The following ZNF385D variants were observed in gnomAD, a reference collection of about 807,000 sequenced individuals.
The protein encoded by ZNF385D is zinc finger protein 659.
A neutral mutation model predicts 35.8 loss-of-function variants in ZNF385D; 15 were observed. That is an observed-to-expected ratio of 0.42 (90% CI 0.28 to 0.64). The LOEUF (loss-of-function observed/expected upper bound fraction) is 0.64. ZNF385D is among the 30% of genes least tolerant of loss of function. ZNF385D has a pLI of 0.23. For synonymous variants in ZNF385D, 212 were observed against 186.8 expected (o/e 1.13, Z -1.10); for missense variants, 474 against 494.6 (o/e 0.96, Z 0.39).
At chr3:22,134,022 C>G (rs1703959675) in intron 3 of ZNF385D, 1 of 151,926 alleles carries the variant, frequency 6.6e-6, no homozygotes, top group Admixed American at 6.6e-5. Context: ...GGGAAACAGA[C>G]AGAAAATCAG....
intron 2 of ZNF385D, among the ~76,000 whole-genome samples, chr3:21,655,743 GA>G (rs2066053135): frequency 6.6e-6 from 1 of 151,976 alleles, no homozygotes; most frequent in Non-Finnish European, 1.5e-5. Context: ...TAGCTATGTT[GA>G]AAACAAATTG....
intron 2 of ZNF385D, among the ~76,000 whole-genome samples, chr3:22,178,679 G>C (rs978690125): frequency 1.3e-5 from 2 of 152,110 alleles, no homozygotes; most frequent in Non-Finnish European, 2.9e-5. Flanking sequence ...GTCCTGAATG[G>C]TATTGCCTAG....
At chr3:22,009,586 G>C (rs377665841) in intron 3 of ZNF385D, among the ~76,000 whole-genome samples, 1 of 146,972 alleles carries the variant, frequency 6.8e-6, no homozygotes, top group Admixed American at 6.9e-5. Context: ...TTGCACAACT[G>C]CACTCTAGCC....
chr3:22,091,913 G>A (rs1050400159), intron 3 of ZNF385D, among the ~76,000 whole-genome samples: 8 of 152,104 alleles, frequency 5.3e-5, no homozygotes, highest in Non-Finnish European at 1.2e-4. Context: ...GAACTGTGGT[G>A]GAATTTGAGG....
At chr3:22,115,943 G>A (rs921625567) in intron 3 of ZNF385D, among the ~76,000 whole-genome samples, 1 of 152,008 alleles carries the variant, frequency 6.6e-6, no homozygotes, top group Non-Finnish European at 1.5e-5. Flanking sequence ...GTCCGAGGTT[G>A]CAGCCACGAC....
At chr3:22,175,314 C>T (rs1465289120) in intron 2 of ZNF385D, among the ~76,000 whole-genome samples, 1 of 151,814 alleles carries the variant, frequency 6.6e-6, no homozygotes, top group African/African-American at 2.4e-5. Context: ...CATGAATAAG[C>T]ATATATAAAG....
chr3:22,181,722 T>C (rs1576457372), intron 2 of ZNF385D, among the ~76,000 whole-genome samples: 1 of 148,044 alleles, frequency 6.8e-6, no homozygotes, highest in Admixed American at 6.7e-5. Flanking sequence ...AAAAAGAATA[T>C]GGTAAAGGTG....
intron 3 of ZNF385D, among the ~76,000 whole-genome samples, chr3:21,822,698 T>C (rs2125739232): frequency 6.6e-6 from 1 of 152,254 alleles, no homozygotes; most frequent in Middle Eastern, 3.4e-3. Context: ...AGTTACAGTA[T>C]ACCAGTTTAA....
intron 3 of ZNF385D, among the ~76,000 whole-genome samples, chr3:21,878,331 C>T (rs1315335924): frequency 6.6e-6 from 1 of 151,954 alleles, no homozygotes; most frequent in Non-Finnish European, 1.5e-5. Flanking sequence ...CTCATGAACT[C>T]ATTTAAATAC....
Position 21,868,765 on chromosome 3 carries a change from G to C in ZNF385D, c.326-203737C>G, listed in dbSNP as rs924111305. Among the ~76,000 whole-genome samples the C allele has an allele frequency of 2.6e-5, 4 of 152,210 alleles. No homozygotes were observed. In the South Asian group the frequency reaches 8.3e-4, roughly 32 times the overall value. ...TATTTTCCAGCATCTAAATAAGTTAGAAGATAATATGTTTGTACCTGAACA... is the reference window on the plus strand; with the variant it reads ...TATTTTCCAGCATCTAAATAAGTTACAAGATAATATGTTTGTACCTGAACA... On this transcript the variant is annotated intron_variant, in intron 3 of 5. Transcript: ENST00000494108.
intron 3 of ZNF385D, among the ~76,000 whole-genome samples, chr3:22,111,065 C>T (rs369346310): frequency 1.3e-5 from 2 of 149,584 alleles, no homozygotes; most frequent in African/African-American, 2.5e-5. Flanking sequence ...TTAATTCAGA[C>T]GTTGTAACTG....
chr3:21,615,627 C>A (rs573816780), intron 2 of ZNF385D, among the ~76,000 whole-genome samples: 20 of 152,016 alleles, frequency 1.3e-4, no homozygotes, highest in Admixed American at 2.6e-4. Flanking sequence ...TTTTTTTCAA[C>A]ATCAAAACAC....
chr3:22,195,192 G>A (rs2695637), intron 2 of ZNF385D, among the ~76,000 whole-genome samples: 18,740 of 151,776 alleles, frequency 0.12, 1,499 homozygotes, highest in Middle Eastern at 0.24. Flanking sequence ...GAATCACACC[G>A]TGGTTTTAAT....
intron 2 of ZNF385D, among the ~76,000 whole-genome samples, chr3:21,631,382 GC>G (rs60921364): frequency 0.12 from 18,225 of 151,878 alleles, 1,209 homozygotes; most frequent in Admixed American, 0.14. Context: ...ACAAGAGCAG[GC>G]CCACCTCCTC....
intron 3 of ZNF385D, among the ~76,000 whole-genome samples, chr3:22,045,062 A>T (rs148205941): frequency 2.6e-4 from 40 of 152,216 alleles, no homozygotes; most frequent in African/African-American, 7.5e-4. Flanking sequence ...TTTATCCTGC[A>T]ACTTTACTGT....
chr3:21,578,562 T>C (rs2063560461), intron 2 of ZNF385D, among the ~76,000 whole-genome samples: 1 of 152,200 alleles, frequency 6.6e-6, no homozygotes, highest in Non-Finnish European at 1.5e-5. Flanking sequence ...GATATCCAGT[T>C]TTCCCTGTAT....
intron 3 of ZNF385D, among the ~76,000 whole-genome samples, chr3:21,806,229 G>C (rs1438970264): frequency 6.7e-6 from 1 of 150,198 alleles, no homozygotes; most frequent in African/African-American, 2.5e-5. Context: ...TTTGTGAGGG[G>C]GCAGGGGGAG....
intron 4 of ZNF385D, among the ~76,000 whole-genome samples, chr3:21,509,531 C>A (rs1707042446): frequency 6.6e-6 from 1 of 152,210 alleles, no homozygotes; most frequent in Non-Finnish European, 1.5e-5. Context: ...CACAATCCAG[C>A]TCTTGCTCTG....
intron 2 of ZNF385D, among the ~76,000 whole-genome samples, chr3:22,359,708 A>T (rs1696327255): frequency 6.6e-6 from 1 of 151,922 alleles, no homozygotes; most frequent in African/African-American, 2.4e-5. Context: ...TAAAATGATG[A>T]ATTCAGTTTG....
Sources: gnomAD v4.1 joint callset for allele counts (sites outside exome capture counted in the v4.1 genomes callset) on GRCh38, gnomAD v4.1.1 for gene constraint, MANE v1.5 for transcripts, NCBI Gene and HGNC (gene_info 2026-07-23, HGNC 2026-07-21) for gene names.